TANK: variants seen among roughly 807,000 people sequenced by gnomAD.
TANK encodes TRAF family member associated NFKB activator.
Under a neutral mutation model 43.6 loss-of-function variants are expected in TANK, and 15 were observed. The observed-to-expected ratio is 0.34, with a 90% confidence interval of 0.23 to 0.53. TANK has a LOEUF of 0.53. Among genes scored for constraint, TANK ranks in the 20% least tolerant of loss-of-function variants. The pLI is 0.94. For missense variants in TANK, 417 were observed against 498.6 expected (o/e 0.84, Z 1.56); for synonymous variants, 162 against 178.2 (o/e 0.91, Z 0.73).
At chr2:161,174,893 T>G (rs1685110560) in intron 1 of TANK, among the ~76,000 whole-genome samples, 1 of 152,160 alleles carries the variant, frequency 6.6e-6, no homozygotes, top group Non-Finnish European at 1.5e-5. Context: ...TTGATATTAT[T>G]TAATATTAAA....
At chr2:161,205,136 G>A (rs1319484990) in intron 4 of TANK, among the ~76,000 whole-genome samples, 2 of 152,030 alleles carry the variant, frequency 1.3e-5, no homozygotes, top group Non-Finnish European at 2.9e-5. Flanking sequence ...ACCAGCCTGG[G>A]CAACATAGGG....
At chr2:161,206,722 G>A (rs897487222) in intron 4 of TANK, among the ~76,000 whole-genome samples, 2 of 152,046 alleles carry the variant, frequency 1.3e-5, no homozygotes, top group African/African-American at 4.8e-5. Flanking sequence ...GAGAAACAAT[G>A]ATTCTGACTT....
In TANK at chr2:161,235,397, C is replaced by G. The variant is rs761185512; in HGVS notation, c.1157C>G (p.Thr386Arg). Residue 386 changes from threonine (T) to arginine (R), a missense_variant, in exon 8 of 8, where the codon ACA becomes AGA. By Grantham distance (71) the Thr-to-Arg change is moderately conservative (BLOSUM62 -1). Coordinates refer to ENST00000392749, the MANE Select transcript of TANK (RefSeq NM_001199135.3). ...QDSDSVVLSG[T>R]DSELHIPRVC... ...AGTGACTCGGTGGTACTAAGTGGCA[C>G]AGACTCAGAACTGCATATACCTCGA... 1.9e-6 allele frequency: 3 copies of G among 1,613,234 alleles called. No homozygotes were observed. In the East Asian group the frequency reaches 6.7e-5, roughly 36 times the overall value.
At chr2:161,165,017 T>G (rs1017272614) in intron 1 of TANK, among the ~76,000 whole-genome samples, 8 of 148,582 alleles carry the variant, frequency 5.4e-5, no homozygotes, top group Non-Finnish European at 1.0e-4. Context: ...TGATCTATAA[T>G]AGCTTTTACT....
At chr2:161,146,970 C>G (rs918032973) in intron 1 of TANK, among the ~76,000 whole-genome samples, 1 of 152,144 alleles carries the variant, frequency 6.6e-6, no homozygotes, top group East Asian at 1.9e-4. Flanking sequence ...ACCCCTCCCC[C>G]TAGGGGCTCA....
At chr2:161,229,130 G>T (rs1687781274) in intron 6 of TANK, among the ~76,000 whole-genome samples, 1 of 152,230 alleles carries the variant, frequency 6.6e-6, no homozygotes, top group African/African-American at 2.4e-5. Flanking sequence ...AGATATGAAG[G>T]ACAAATAAGA....
Position 161,179,719 on chromosome 2 carries a change from A to C in TANK, c.57A>C (p.Ala19=), listed in dbSNP as rs565893664. The C allele has an allele frequency of 4.3e-6, 7 of 1,613,004 alleles. No homozygotes were observed. In the South Asian group the frequency reaches 6.6e-5, roughly 15 times the overall value. The change falls in exon 2 of 8, where the codon GCA becomes GCC. Residue 19 remains alanine, a synonymous_variant. Coordinates refer to ENST00000392749, the MANE Select transcript of TANK (RefSeq NM_001199135.3). ...LNKAYEAFRQ[A]CMDRDSAVKE... The stretch of plus-strand genomic sequence containing the variant: ...AAGCGTATGAAGCCTTCCGGCAGGC[A>C]TGCATGGATAGAGATTCTGCAGTAA...
At chr2:161,204,390 T>C (rs2105346560) in intron 3 of TANK, among the ~76,000 whole-genome samples, 1 of 152,324 alleles carries the variant, frequency 6.6e-6, no homozygotes, top group East Asian at 1.9e-4. Flanking sequence ...AAAAGTTGAA[T>C]TGTTGCTGAC....
chr2:161,229,729 A>G (rs944117026), intron 6 of TANK, among the ~76,000 whole-genome samples: 7 of 152,222 alleles, frequency 4.6e-5, no homozygotes, highest in Admixed American at 2.6e-4. Context: ...TAACCTGTAC[A>G]GATACTTTGT....
chr2:161,138,644 T>C (rs1683655644), intron 1 of TANK, among the ~76,000 whole-genome samples: 1 of 152,210 alleles, frequency 6.6e-6, no homozygotes, highest in African/African-American at 2.4e-5. Context: ...TGTGGGGTTG[T>C]ATACCCAGTC....
chr2:161,185,718 G>A (rs543727993), intron 2 of TANK, among the ~76,000 whole-genome samples: 3 of 116,672 alleles, frequency 2.6e-5, no homozygotes, highest in Admixed American at 1.0e-4. Context: ...GTGGTGGGGT[G>A]GGGGGAGGGG....
At chr2:161,215,835 A>G (rs915445731) in intron 4 of TANK, among the ~76,000 whole-genome samples, 4 of 152,134 alleles carry the variant, frequency 2.6e-5, no homozygotes, top group Non-Finnish European at 4.4e-5. Context: ...GTGTCTTGCT[A>G]TGTTACGAAA....
At chr2:161,195,498 G>A (rs1482243307) in intron 2 of TANK, among the ~76,000 whole-genome samples, 2 of 152,142 alleles carry the variant, frequency 1.3e-5, no homozygotes, top group Non-Finnish European at 2.9e-5. Flanking sequence ...AAACCCATTG[G>A]CCTAAAAGAA....
chr2:161,181,258 T>G (rs1685409556), intron 2 of TANK, among the ~76,000 whole-genome samples: 1 of 152,044 alleles, frequency 6.6e-6, no homozygotes. Context: ...CCGTCTCTAC[T>G]GAAAATACAA....
chr2:161,234,110 A>G (rs1688057181), intron 7 of TANK, among the ~76,000 whole-genome samples: 1 of 152,210 alleles, frequency 6.6e-6, no homozygotes, highest in African/African-American at 2.4e-5. Context: ...CAGACGTTGT[A>G]TATTTACACC....
At chr2:161,231,829 T>C (rs1412486986) in intron 7 of TANK, among the ~76,000 whole-genome samples, 1 of 152,228 alleles carries the variant, frequency 6.6e-6, no homozygotes, top group East Asian at 1.9e-4. Flanking sequence ...CTTTCTTAGT[T>C]CCTTATTCAA....
intron 6 of TANK, among the ~76,000 whole-genome samples, chr2:161,228,791 T>C (rs1434862022): frequency 2.0e-5 from 3 of 152,232 alleles, no homozygotes; most frequent in African/African-American, 7.2e-5. Flanking sequence ...TTTTATCTTT[T>C]ATGCCATATT....
At chr2:161,149,581 T>G (rs1381521104) in intron 1 of TANK, among the ~76,000 whole-genome samples, 1 of 152,204 alleles carries the variant, frequency 6.6e-6, no homozygotes, top group East Asian at 1.9e-4. Flanking sequence ...GGGAGAAAGC[T>G]TTTAGTATTT....
chr2:161,204,739 T>C lies in TANK; in HGVS notation c.273T>C (p.Leu91=). 6.2e-7 allele frequency: 1 copy of C among 1,608,100 alleles called. No individual in the cohort carries two copies. The highest frequency in any genetic ancestry group is 8.5e-7 in the Non-Finnish European group (1 of 1,177,956). Residue 91 remains leucine, a synonymous_variant, in exon 4 of 8, where the codon CTT becomes CTC. Coordinates refer to ENST00000392749, the MANE Select transcript of TANK (RefSeq NM_001199135.3). ...AAACAAGAAAGAATAATTTGACTCT[T>C]GATCAGCCACAAGATAAAGTGATTT... is the stretch of plus-strand genomic sequence containing the variant. ...DSETRKNNLT[L]DQPQDKVISG...
Sources: gnomAD v4.1 joint callset for allele counts (sites outside exome capture counted in the v4.1 genomes callset) on GRCh38, gnomAD v4.1.1 for gene constraint, MANE v1.5 for transcripts, NCBI Gene and HGNC (gene_info 2026-07-23, HGNC 2026-07-21) for gene names.